The following TEX11 variants were observed in gnomAD, a reference collection of about 807,000 sequenced individuals.
The protein encoded by TEX11 is testis-expressed protein 11.
In TEX11, 7 loss-of-function variants were observed where a neutral mutation model predicts 84.4. That is an observed-to-expected ratio of 0.08 (90% confidence interval 0.05 to 0.16). The LOEUF is 0.16. Ranked by LOEUF, TEX11 falls within the 10% of genes least tolerant of loss-of-function variation. TEX11 has a pLI of 1.00. For missense variants in TEX11, 551 were observed against 660.5 expected, an observed-to-expected ratio of 0.83 and a Z score of 1.82; for synonymous variants, 264 against 222.8, an observed-to-expected ratio of 1.18 and a Z score of -1.64.
At chrX:70,872,848 G>A (rs997693379) in intron 4 of TEX11, among the ~76,000 whole-genome samples, 9 of 111,687 alleles carry the variant, frequency 8.1e-5, no homozygotes, top group Non-Finnish European at 1.3e-4. Context: ...TATTAATAGA[G>A]GGGAAACTAC....
intron 25 of TEX11, among the ~76,000 whole-genome samples, chrX:70,576,011 A>C (rs1016713164): frequency 3.6e-5 from 4 of 111,797 alleles, no homozygotes; most frequent in African/African-American, 1.3e-4. Flanking sequence ...TTTGTTAGGG[A>C]CAGAGACAGT....
chrX:70,610,616 T>C (rs2089250059), intron 20 of TEX11, 73 bp from the exon 21 acceptor site: 2 of 1,031,192 alleles, frequency 1.9e-6, no homozygotes, highest in Admixed American at 5.3e-5. Flanking sequence ...AAAGGGACAC[T>C]ATTTGTGCCT....
At chrX:70,591,033 G>A (rs1337497761) in intron 25 of TEX11, among the ~76,000 whole-genome samples, 2 of 111,714 alleles carry the variant, frequency 1.8e-5, no homozygotes, top group African/African-American at 6.5e-5. Context: ...ACAGGCGTGA[G>A]CCACTGCATG....
In TEX11 at chrX:70,538,774, A is replaced by T. The variant is rs371742958; in HGVS notation, c.2521-8775T>A. Among the ~76,000 whole-genome samples, 7 of 110,267 alleles carry T rather than the reference A, an allele frequency of 6.3e-5. No homozygotes were observed. The East Asian group carries it at 1.4e-3, about 22-fold the overall frequency. ...TTAACCTTTCAATGCCTCAATTTGCAAAATAATGAGCTTAAATTAGGTAAC... is the reference window on the plus strand; with the variant it reads ...TTAACCTTTCAATGCCTCAATTTGCTAAATAATGAGCTTAAATTAGGTAAC... On this transcript the variant is annotated intron_variant, in intron 28 of 29. Transcript: ENST00000374333.
intron 8 of TEX11, 127 bp from the exon 9 acceptor site, chrX:70,806,917 C>T: frequency 9.3e-6 from 4 of 430,308 alleles, no homozygotes; most frequent in Non-Finnish European, 1.6e-5. Context: ...AGCAAAACTC[C>T]GTCTCAAAAA....
intron 29 of TEX11, 102 bp downstream of exon 29, chrX:70,529,733 T>C: frequency 1.1e-6 from 1 of 871,585 alleles, no homozygotes; most frequent in East Asian, 3.5e-5. Flanking sequence ...AGCAAGATCC[T>C]TTCCTAGCCA....
At chrX:70,834,263 C>T (rs1344649685) in intron 7 of TEX11, among the ~76,000 whole-genome samples, 1 of 111,339 alleles carries the variant, frequency 9.0e-6, no homozygotes, top group Non-Finnish European at 1.9e-5. Context: ...AAAAGAGCCG[C>T]TCTGCCATTT....
At chrX:70,694,219 A>G (rs1204210413) in intron 13 of TEX11, among the ~76,000 whole-genome samples, 1 of 110,583 alleles carries the variant, frequency 9.0e-6, no homozygotes, top group Non-Finnish European at 1.9e-5. Context: ...TAATTTTTGT[A>G]TTTTTAGTAC....
rs960744763 is a variant in TEX11 at position 70,715,995 on chromosome X, G to A, written c.1004+6623C>T. Among the ~76,000 whole-genome samples the A allele has an allele frequency of 4.4e-4, 49 of 112,396 alleles. No homozygotes were observed. The Admixed American group carries it at 4.6e-3, about 10-fold the overall frequency. On this transcript the variant is annotated intron_variant, in intron 13 of 29. Transcript: ENST00000374333. ...GTGTGGATGTCCTTTCTGTTTGTTA[G>A]TTTTCCTTCTAACAGTCAGGACCCT...
chrX:70,702,981 A>G (rs888473934), intron 13 of TEX11, among the ~76,000 whole-genome samples: 1 of 111,952 alleles, frequency 8.9e-6, no homozygotes, highest in African/African-American at 3.2e-5. Context: ...CAAACTTTAT[A>G]TAGTGCTTAT....
chrX:70,839,165 T>G (rs977405740), intron 7 of TEX11, among the ~76,000 whole-genome samples: 2 of 111,878 alleles, frequency 1.8e-5, no homozygotes, highest in Non-Finnish European at 1.9e-5. Flanking sequence ...GCACGCAGCT[T>G]GAGATCTGGG....
chrX:70,548,752 T>C (rs771738484), intron 28 of TEX11, among the ~76,000 whole-genome samples: 1 of 112,116 alleles, frequency 8.9e-6, no homozygotes, highest in African/African-American at 3.2e-5. Context: ...TCCCAGTAGT[T>C]GGAACTTGAG....
At chrX:70,832,858 C>A (rs2091384113) in intron 8 of TEX11, among the ~76,000 whole-genome samples, 1 of 111,823 alleles carries the variant, frequency 8.9e-6, no homozygotes, top group African/African-American at 3.3e-5. Flanking sequence ...TAACTGCTAT[C>A]AACCTTGTCA....
chrX:70,779,078 T>A (rs1036487800), intron 9 of TEX11, among the ~76,000 whole-genome samples: 3 of 110,210 alleles, frequency 2.7e-5, no homozygotes, highest in Middle Eastern at 4.6e-3. Context: ...TAAAAAAAAA[T>A]TTTAAGTACC....
chrX:70,619,013 C>T (rs777559766), intron 20 of TEX11, among the ~76,000 whole-genome samples: 1 of 111,445 alleles, frequency 9.0e-6, no homozygotes, highest in African/African-American at 3.3e-5. Context: ...TGTTTTTCTG[C>T]TGAGTCTGAG....
intron 2 of TEX11, 114 bp from the exon 3 acceptor site, chrX:70,880,223 A>ATC: frequency 2.2e-6 from 1 of 462,788 alleles, no homozygotes; most frequent in Non-Finnish European, 3.2e-6. Flanking sequence ...AGCATGAAGG[A>ATC]ACTTGATCCT....
At chrX:70,650,921 A>G (rs2089803272) in intron 17 of TEX11, among the ~76,000 whole-genome samples, 1 of 111,829 alleles carries the variant, frequency 8.9e-6, no homozygotes, top group Admixed American at 9.5e-5. Flanking sequence ...ACTATGCTTA[A>G]CTTAATGGAA....
At chrX:70,685,554 T>C (rs2090181257) in intron 13 of TEX11, among the ~76,000 whole-genome samples, 1 of 112,163 alleles carries the variant, frequency 8.9e-6, no homozygotes, top group South Asian at 3.7e-4. Flanking sequence ...AGGATTTTTT[T>C]GTATAGAACA....
chrX:70,756,763 A>G (rs1357826820), intron 9 of TEX11, among the ~76,000 whole-genome samples: 1 of 112,242 alleles, frequency 8.9e-6, no homozygotes, highest in Admixed American at 9.5e-5. Context: ...TGGATGGAGA[A>G]AGAGTTTGAC....
Sources: gnomAD v4.1 joint callset for allele counts (sites outside exome capture counted in the v4.1 genomes callset) on GRCh38, gnomAD v4.1.1 for gene constraint, MANE v1.5 for transcripts, NCBI Gene and HGNC (gene_info 2026-07-23, HGNC 2026-07-21) for gene names.